The following RABGAP1L variants were observed in gnomAD, a reference collection of about 807,000 sequenced individuals.
RABGAP1L encodes rab GTPase-activating protein 1-like.
A neutral mutation model predicts 137.7 loss-of-function variants in RABGAP1L; 63 were observed. The ratio of observed to expected loss-of-function variants is 0.46; its 90% CI spans 0.37 to 0.56. The LOEUF is 0.56. Ranked by LOEUF, RABGAP1L falls within the 20% of genes least tolerant of loss-of-function variation. RABGAP1L has a pLI of 0.00. For missense variants in RABGAP1L, 1,095 were observed against 1,244.0 expected, an observed-to-expected ratio of 0.88 and a Z score of 1.80; for synonymous variants, 431 against 433.7, an observed-to-expected ratio of 0.99 and a Z score of 0.08.
intron 19 of RABGAP1L, among the ~76,000 whole-genome samples, chr1:174,943,222 A>G (rs1260275168): frequency 6.6e-6 from 1 of 152,106 alleles, no homozygotes; most frequent in Non-Finnish European, 1.5e-5. Flanking sequence ...AGGTCCTCAT[A>G]CTTGGTTGAA....
At chr1:174,263,012 C>A (rs1284062108) in intron 7 of RABGAP1L, among the ~76,000 whole-genome samples, 1 of 152,234 alleles carries the variant, frequency 6.6e-6, no homozygotes, top group Non-Finnish European at 1.5e-5. Flanking sequence ...TTCAACCCAG[C>A]TGTGCACTCA....
chr1:174,442,230 T>G (rs1654239095), intron 13 of RABGAP1L, among the ~76,000 whole-genome samples: 1 of 131,060 alleles, frequency 7.6e-6, no homozygotes, highest in Non-Finnish European at 1.6e-5. Flanking sequence ...TTTTAAATAT[T>G]TATTTTTCTT....
chr1:174,803,544 A>G (rs1378488238), intron 18 of RABGAP1L, among the ~76,000 whole-genome samples: 1 of 152,176 alleles, frequency 6.6e-6, no homozygotes, highest in Admixed American at 6.5e-5. Flanking sequence ...GTTAGATACC[A>G]TAACTAAAGG....
chr1:174,714,829 G>C (rs1680870418), intron 17 of RABGAP1L, among the ~76,000 whole-genome samples: 2 of 151,730 alleles, frequency 1.3e-5, no homozygotes, highest in Admixed American at 6.6e-5. Context: ...TTTTTTACAG[G>C]GCCTAAAAGA....
Position 174,928,982 on chromosome 1 carries a change from G to A in RABGAP1L, c.2341-28475G>A, listed in dbSNP as rs368969371. Among the ~76,000 whole-genome samples the A allele has an allele frequency of 5.9e-4, 89 of 151,318 alleles. 1 individual carries two copies. The South Asian group carries it at 0.019, about 32-fold the overall frequency. On this transcript the variant is annotated intron_variant, in intron 19 of 25. Transcript: ENST00000681986. ...ACCCACCTTGTAAAGAAGATTGGCT[G>A]TTATGTTCTCACTCATAGGTGGGAA...
In RABGAP1L at chr1:174,298,487, G is replaced by A. The variant is rs7535207; in HGVS notation, c.1324-6499G>A. 3.8e-3 allele frequency among the ~76,000 whole-genome samples: 586 copies of A among 152,286 alleles called. 4 individuals carry two copies. Among genetic ancestry groups the A allele is most frequent in the African/African-American group, 0.012 (505 of 41,554 alleles). On this transcript the variant is annotated intron_variant, in intron 10 of 25. Transcript: ENST00000681986. ...GAAGGAATCAGCCACACTCACCTGC[G>A]CTGTGCCTTTTAACTTCCCTTATTG... is the stretch of plus-strand genomic sequence containing the variant.
At chr1:174,884,677 C>T (rs1654794009) in intron 19 of RABGAP1L, among the ~76,000 whole-genome samples, 1 of 152,152 alleles carries the variant, frequency 6.6e-6, no homozygotes, top group African/African-American at 2.4e-5. Flanking sequence ...ACGTGGACAG[C>T]AAAGTGTGTT....
chr1:174,922,178 A>G (rs1015908079), intron 19 of RABGAP1L: 5 of 152,268 alleles, frequency 3.3e-5, no homozygotes, highest in Non-Finnish European at 7.3e-5. Flanking sequence ...CAGCTTCATA[A>G]GAACAATTCC....
At chr1:174,637,166 A>T (rs1674116594) in intron 13 of RABGAP1L, among the ~76,000 whole-genome samples, 1 of 152,142 alleles carries the variant, frequency 6.6e-6, no homozygotes, top group Non-Finnish European at 1.5e-5. Flanking sequence ...ACACACAAAT[A>T]TGTATAGATA....
intron 15 of RABGAP1L, among the ~76,000 whole-genome samples, chr1:174,693,001 T>G (rs1678981667): frequency 6.6e-6 from 1 of 152,190 alleles, no homozygotes; most frequent in Non-Finnish European, 1.5e-5. Flanking sequence ...AATCATGTAT[T>G]TCTCCTGCAG....
intron 13 of RABGAP1L, among the ~76,000 whole-genome samples, chr1:174,553,963 C>T (rs1666717539): frequency 6.6e-6 from 1 of 152,072 alleles, no homozygotes; most frequent in Admixed American, 6.6e-5. Context: ...TGCACTGCAG[C>T]CAGGGTGACA....
chr1:174,800,093 C>G, intron 18 of RABGAP1L: 2 of 1,312,784 alleles, frequency 1.5e-6, no homozygotes, highest in Non-Finnish European at 1.9e-6. Flanking sequence ...TTGCTTTTGC[C>G]GTTTTTTATT....
chr1:174,313,790 T>C (rs1228355025), intron 11 of RABGAP1L, among the ~76,000 whole-genome samples: 4 of 152,220 alleles, frequency 2.6e-5, no homozygotes, highest in Non-Finnish European at 5.9e-5. Context: ...TTTTCCTTCA[T>C]TCTGTTGATA....
intron 19 of RABGAP1L, among the ~76,000 whole-genome samples, chr1:174,830,015 T>G (rs1558123828): frequency 6.7e-6 from 1 of 148,208 alleles, no homozygotes; most frequent in Non-Finnish European, 1.5e-5. Flanking sequence ...CTTCTGTTGG[T>G]ATCTCCTGGA....
intron 13 of RABGAP1L, among the ~76,000 whole-genome samples, chr1:174,528,108 ATATC>A (rs1455386202): frequency 6.6e-6 from 1 of 151,950 alleles, no homozygotes; most frequent in Non-Finnish European, 1.5e-5. Flanking sequence ...CAGTGAGTCT[ATATC>A]TATTAAGTGA....
At chr1:174,358,102 G>T (rs985648187) in intron 11 of RABGAP1L, among the ~76,000 whole-genome samples, 1 of 152,022 alleles carries the variant, frequency 6.6e-6, no homozygotes, top group African/African-American at 2.4e-5. Flanking sequence ...TGCATTATGA[G>T]TGACTGGCGA....
chr1:174,833,726 A>T (rs959062933), intron 19 of RABGAP1L, among the ~76,000 whole-genome samples: 4 of 151,900 alleles, frequency 2.6e-5, no homozygotes, highest in African/African-American at 9.7e-5. Context: ...ATAACAGAAA[A>T]TATTCCTATC....
rs1028721494 is a variant in RABGAP1L, at chr1:174,993,110, G to C, written c.*3109G>C. 2.6e-5 allele frequency: 4 copies of C among 152,190 alleles called. No homozygotes were observed. The highest frequency in any genetic ancestry group is 5.9e-5 in the Non-Finnish European group (4 of 68,028). The allele number at this position is 152,190 out of a possible 1,614,324, so 9.4% of individuals were successfully genotyped here. A position where few individuals can be genotyped will look rare whatever the true frequency, so the allele number is the denominator to read the frequency against. The stretch of plus-strand genomic sequence containing the variant: ...TTTAAATCTGAAAGAAACCAAGCTG[G>C]ATTTTGCAGTGCATATGTTTGCTAG... On this transcript the variant is annotated 3_prime_UTR_variant, in exon 26 of 26. Transcript: ENST00000681986.
intron 11 of RABGAP1L, among the ~76,000 whole-genome samples, chr1:174,343,562 A>C (rs1393807933): frequency 1.3e-5 from 2 of 152,188 alleles, no homozygotes; most frequent in African/African-American, 4.8e-5. Flanking sequence ...GGGCTAATAC[A>C]TTTGATTTTT....
Sources: gnomAD v4.1 joint callset for allele counts (sites outside exome capture counted in the v4.1 genomes callset) on GRCh38, gnomAD v4.1.1 for gene constraint, MANE v1.5 for transcripts, NCBI Gene and HGNC (gene_info 2026-07-23, HGNC 2026-07-21) for gene names.